Variants in TMEM255B observed in about 807,000 individuals in gnomAD.
TMEM255B encodes the protein family with sequence similarity 70, member B.
In TMEM255B, 35 loss-of-function variants were observed where a neutral mutation model predicts 34.5. The observed-to-expected ratio is 1.01, with a 90% confidence interval of 0.77 to 1.34. TMEM255B has a LOEUF of 1.34. TMEM255B is among the 40% of genes most tolerant of loss of function. The pLI, the probability that TMEM255B is intolerant of heterozygous loss-of-function variation, is 0.00. For missense variants in TMEM255B, 432 were observed against 433.2 expected (o/e 1.00, Z 0.02); for synonymous variants, 206 against 201.2 (o/e 1.02, Z -0.20).
At chr13:113,761,012 G>A (rs1209181044) in intron 1 of TMEM255B, among the ~76,000 whole-genome samples, 1 of 152,114 alleles carries the variant, frequency 6.6e-6, no homozygotes, top group Non-Finnish European at 1.5e-5. Context: ...GGTACCTGGG[G>A]GTAGGATTAT....
At position 113,770,049 on chromosome 13, in the gene TMEM255B, C is replaced by T. The variant is rs1424898844; in HGVS notation, c.252+889C>T. 1.3e-5 allele frequency among the ~76,000 whole-genome samples: 2 copies of T among 152,120 alleles called. No individual in the cohort carries two copies. Among genetic ancestry groups the T allele is most frequent in the African/African-American group, 2.4e-5 (1 of 41,410 alleles). On this transcript the variant is annotated intron_variant, in intron 3 of 8. Coordinates refer to ENST00000375353, the MANE Select transcript of TMEM255B (RefSeq NM_182614.4). This position sits in a 1 kb window ranked among gnomAD's most constrained non-coding sequence, Gnocchi z 4.6. ...ATGGCTGGGCCGCGGTGTATGCCCTCGGAACCCTGTATGTTAGTCTGTTTT... is the reference window on the plus strand; with the variant it reads ...ATGGCTGGGCCGCGGTGTATGCCCTTGGAACCCTGTATGTTAGTCTGTTTT...
chr13:113,772,351 T>C (rs2050492447), intron 3 of TMEM255B, among the ~76,000 whole-genome samples: 2 of 152,236 alleles, frequency 1.3e-5, no homozygotes, highest in South Asian at 4.1e-4. Flanking sequence ...TGATGAACTC[T>C]AATTTATTTT....
chr13:113,795,470 A>C (rs774986552), intron 4 of TMEM255B, among the ~76,000 whole-genome samples: 109 of 148,440 alleles, frequency 7.3e-4, no homozygotes, highest in African/African-American at 2.7e-3. Context: ...CACAGCACAC[A>C]CCACAACAGA....
At chr13:113,795,939 C>G (rs2138565356) in intron 4 of TMEM255B, among the ~76,000 whole-genome samples, 1 of 143,842 alleles carries the variant, frequency 7.0e-6, no homozygotes, top group Admixed American at 6.9e-5. Flanking sequence ...ACACAACACA[C>G]AGAGCACACA....
Position 113,811,885 on chromosome 13 carries a change from A to AC in TMEM255B, c.969dup (p.Tyr324LeufsTer12). 2 of 1,606,806 alleles carry AC rather than the reference A, an allele frequency of 1.2e-6. No homozygotes were observed. The highest frequency in any genetic ancestry group is 1.7e-6 in the Non-Finnish European group (2 of 1,177,660). On this transcript the variant is annotated frameshift_variant, in exon 9 of 9. Coordinates refer to ENST00000375353, the MANE Select transcript of TMEM255B (RefSeq NM_182614.4). LOFTEE classifies it high-confidence loss of function. ...CCTACTTTCCCCCGGGGGAGAAGCC[A>AC]CCCCCCTACGCACCCTGATAGAGGC...
intron 3 of TMEM255B, 45 bp from the exon 4 acceptor site, chr13:113,795,103 G>A (rs373428111): frequency 1.1e-4 from 177 of 1,587,064 alleles, no homozygotes; most frequent in Non-Finnish European, 1.4e-4. Flanking sequence ...TTTGAAAACC[G>A]GGGTTGGTAA....
chr13:113,802,002 G>T (rs1440153346), intron 7 of TMEM255B, among the ~76,000 whole-genome samples, 190 bp downstream of exon 7: 1 of 152,240 alleles, frequency 6.6e-6, no homozygotes, highest in Non-Finnish European at 1.5e-5. Context: ...CCTGTCCCAA[G>T]CCTGTCACAA....
chr13:113,778,563 T>G (rs979738604), intron 3 of TMEM255B, among the ~76,000 whole-genome samples: 1 of 151,480 alleles, frequency 6.6e-6, no homozygotes, highest in African/African-American at 2.4e-5. Context: ...TGTAATGATA[T>G]GACGATGATC....
chr13:113,807,183 G>GA (rs779242745), intron 8 of TMEM255B, among the ~76,000 whole-genome samples: 180 of 152,320 alleles, frequency 1.2e-3, no homozygotes, highest in Middle Eastern at 3.4e-3. Flanking sequence ...GAGGCTTTGT[G>GA]GAGGGAGGGG....
In TMEM255B at chr13:113,812,008, A is replaced by G; in HGVS notation, c.*105A>G. 7.2e-7 allele frequency: 1 copy of G among 1,394,480 alleles called. No individual in the cohort carries two copies. The allele number at this position is 1,394,480 out of a possible 1,614,324, so 86.4% of individuals were successfully genotyped here. The stretch of plus-strand genomic sequence containing the variant: ...CCAACCTCCTAGAGAACCCGGGAGA[A>G]TGTTCCAGAAGTCTGTCCCCTCCTT... On this transcript the variant is annotated 3_prime_UTR_variant, in exon 9 of 9. Transcript: ENST00000375353.
At chr13:113,765,018 A>T (rs942476820) in intron 1 of TMEM255B, among the ~76,000 whole-genome samples, 1 of 152,108 alleles carries the variant, frequency 6.6e-6, no homozygotes, top group Admixed American at 6.5e-5. Context: ...GTGGGAGCCG[A>T]TGGTTTATTA....
Position 113,804,867 on chromosome 13 carries a change from G to T in TMEM255B, c.670-18G>T. The T allele has an allele frequency of 6.6e-7, 1 of 1,518,266 alleles. No homozygotes were observed. The highest frequency in any genetic ancestry group is 9.0e-7 in the Non-Finnish European group (1 of 1,109,234). 94.0% of individuals were successfully genotyped at this position (1,518,266 alleles called of 1,614,324 possible). ...ACTAGGGGGTACACGCCGACCACCCGTCTCCTCTCCATGGCAGGTGCCTCT... is the reference window on the plus strand; with the variant it reads ...ACTAGGGGGTACACGCCGACCACCCTTCTCCTCTCCATGGCAGGTGCCTCT... On this transcript the variant is annotated intron_variant, in intron 7 of 8. Transcript: ENST00000375353.
chr13:113,766,466 A>G, intron 2 of TMEM255B: 1 of 740,428 alleles, frequency 1.4e-6, no homozygotes, highest in South Asian at 1.5e-5. Flanking sequence ...GCAGAGGGGA[A>G]TTGGGGTTGA....
rs1473262081 is a variant in TMEM255B, at chr13:113,816,262, G to A, written c.*4359G>A. ...ATACGAGTTCTTTTCGGGGAGGCAA[G>A]TGTGTTCTAAGCGTGTTCTGGATGG... On this transcript the variant is annotated 3_prime_UTR_variant, in exon 9 of 9. Transcript: ENST00000375353. The A allele has an allele frequency of 6.2e-6, 1 of 162,146 alleles. No homozygotes were observed. Among genetic ancestry groups the A allele is most frequent in the Admixed American group, 6.9e-5 (1 of 14,528 alleles). 10.0% of individuals were successfully genotyped at this position (162,146 alleles called of 1,614,324 possible). A position where few individuals can be genotyped will look rare whatever the true frequency, so the allele number is the denominator to read the frequency against.
chr13:113,761,009 G>C (rs1005044768), intron 1 of TMEM255B, among the ~76,000 whole-genome samples: 1 of 152,086 alleles, frequency 6.6e-6, no homozygotes, highest in Non-Finnish European at 1.5e-5. Flanking sequence ...TGGGGTACCT[G>C]GGGGTAGGAT....
intron 4 of TMEM255B, 100 bp from the exon 5 acceptor site, chr13:113,799,239 T>G: frequency 2.7e-6 from 3 of 1,130,064 alleles, no homozygotes; most frequent in Non-Finnish European, 3.9e-6. Flanking sequence ...CCTTGGTCCT[T>G]GAGGCCCTGA....
At chr13:113,775,906 C>G (rs1477453734) in intron 3 of TMEM255B, among the ~76,000 whole-genome samples, 3 of 152,226 alleles carry the variant, frequency 2.0e-5, no homozygotes, top group African/African-American at 7.2e-5. Context: ...CCCTGCGGCC[C>G]CACAGGTGGC....
intron 8 of TMEM255B, among the ~76,000 whole-genome samples, chr13:113,808,999 C>A (rs1259556449): frequency 1.8e-5 from 2 of 111,990 alleles, no homozygotes; most frequent in Non-Finnish European, 3.5e-5. Context: ...GTTCCTGGGG[C>A]TTTACTCCAT....
Position 113,807,793 on chromosome 13 carries a change from G to A in TMEM255B, c.813+2765G>A, listed in dbSNP as rs1387033274. On this transcript the variant is annotated intron_variant, in intron 8 of 8. Transcript: ENST00000375353. ...GCAGGCTTACGGGATGTGGGGGGCG[G>A]TCCTCCCTATCACAGGAGGGCTTAC... Among the ~76,000 whole-genome samples the A allele has an allele frequency of 2.4e-4, 33 of 134,884 alleles. 1 individual carries two copies. Among genetic ancestry groups the A allele is most frequent in the African/African-American group, 9.0e-4 (32 of 35,440 alleles). The allele number at this position is 134,884 out of a possible 152,430, so 88.5% of individuals were successfully genotyped here.
Sources: gnomAD v4.1 joint callset for allele counts (sites outside exome capture counted in the v4.1 genomes callset) on GRCh38, gnomAD v4.1.1 for gene constraint, Gnocchi (gnomAD v3.1) non-coding constraint, MANE v1.5 for transcripts, NCBI Gene and HGNC (gene_info 2026-07-23, HGNC 2026-07-21) for gene names.